Variants in AGAP1 observed in about 807,000 individuals in gnomAD.
AGAP1 encodes ArfGAP with GTPase domain, ankyrin repeat and PH domain 1.
AGAP1 carries 29 observed loss-of-function variants against 105.3 expected under a neutral mutation model. That is an observed-to-expected ratio of 0.28 (90% CI 0.21 to 0.38). AGAP1 has a LOEUF of 0.38. Ranked by LOEUF, AGAP1 falls within the 10% of genes least tolerant of loss-of-function variation. The pLI is 1.00. For missense variants in AGAP1, 998 were observed against 1,165.1 expected (o/e 0.86, Z 2.09); for synonymous variants, 509 against 485.9 (o/e 1.05, Z -0.63).
intron 1 of AGAP1, among the ~76,000 whole-genome samples, chr2:235,677,959 C>CAAAAAAAAAAAAAAAAAAA (rs1448333130): frequency 7.4e-5 from 5 of 67,348 alleles, no homozygotes; most frequent in East Asian, 4.9e-4. Context: ...AAAAAAAAAG[C>CAAAAAAAAAAAAAAAAAAA]AAAACCAGTT....
In AGAP1 at chr2:235,551,661, A is replaced by T. The variant is rs1943813812; in HGVS notation, c.163+56812A>T. Among the ~76,000 whole-genome samples the T allele has an allele frequency of 6.6e-6, 1 of 152,244 alleles. No individual in the cohort carries two copies. The highest frequency in any genetic ancestry group is 2.4e-5 in the African/African-American group (1 of 41,462). The stretch of plus-strand genomic sequence containing the variant: ...ATTAAAACGTTTTTCTTTCCAAGGC[A>T]CGTGGCAGGTGGGTGCTGTTTCTTT... On this transcript the variant is annotated intron_variant, in intron 1 of 17. Transcript: ENST00000304032. The surrounding 1 kb of genome is among the most constrained non-coding windows in gnomAD (Gnocchi z 4.8).
chr2:235,695,766 C>T (rs369479130), intron 1 of AGAP1, among the ~76,000 whole-genome samples: 3 of 152,252 alleles, frequency 2.0e-5, no homozygotes, highest in African/African-American at 7.2e-5. Context: ...AGAAACCATG[C>T]GTATTCACAG....
At position 235,904,609 on chromosome 2, in the gene AGAP1, T is replaced by C. The variant is rs991342808; in HGVS notation, c.1156-4129T>C. Among the ~76,000 whole-genome samples the C allele has an allele frequency of 6.6e-6, 1 of 152,168 alleles. No homozygotes were observed. Among genetic ancestry groups the C allele is most frequent in the Non-Finnish European group, 1.5e-5 (1 of 68,024 alleles). ...TGGAGAAGGGTAGTATCTGTAACAT[T>C]TGCATATCAAAATCAAGCTTCCTGT... On this transcript the variant is annotated intron_variant, in intron 10 of 17. Transcript: ENST00000304032. The surrounding 1 kb of genome is among the most constrained non-coding windows in gnomAD (Gnocchi z 4.2).
At chr2:236,030,724 G>A (rs560267872) in intron 13 of AGAP1, among the ~76,000 whole-genome samples, 1 of 152,196 alleles carries the variant, frequency 6.6e-6, no homozygotes, top group Non-Finnish European at 1.5e-5. Context: ...GCTTGGAGGG[G>A]AAGCCAGGCC....
At chr2:235,910,260 G>A (rs1013220729) in intron 11 of AGAP1, among the ~76,000 whole-genome samples, 2 of 152,306 alleles carry the variant, frequency 1.3e-5, no homozygotes, top group Non-Finnish European at 2.9e-5. Context: ...CCACATTGGG[G>A]TGCTCTTGCC....
At chr2:235,894,905 G>A (rs562771625) in intron 10 of AGAP1, among the ~76,000 whole-genome samples, 1 of 152,336 alleles carries the variant, frequency 6.6e-6, no homozygotes, top group South Asian at 2.1e-4. Context: ...GCTTTGTGGA[G>A]TCCTGGGACT....
chr2:236,105,530 G>A lies in AGAP1; in HGVS notation c.2115-14662G>A, dbSNP rs571185858. Among the ~76,000 whole-genome samples the A allele has an allele frequency of 6.6e-6, 1 of 151,552 alleles. No homozygotes were observed. Among genetic ancestry groups the A allele is most frequent in the Non-Finnish European group, 1.5e-5 (1 of 67,868 alleles). On this transcript the variant is annotated intron_variant, in intron 16 of 17. Transcript: ENST00000304032. The surrounding 1 kb of genome is among the most constrained non-coding windows in gnomAD (Gnocchi z 4.2). The stretch of plus-strand genomic sequence containing the variant: ...CAGTGTCCTCATGTGGAGGAGAGAG[G>A]AGAGGGGCATCTCTCGTGTCTTTTT...
chr2:235,904,302 C>T lies in AGAP1; in HGVS notation c.1156-4436C>T, dbSNP rs572560099. Among the ~76,000 whole-genome samples, 4 of 152,242 alleles carry T rather than the reference C, an allele frequency of 2.6e-5. No homozygotes were observed. The highest frequency in any genetic ancestry group is 2.1e-4 in the South Asian group (1 of 4,822). ...CGAGGCACAGTTACCGAGCAATTGG[C>T]GGGTTCGGAAACAGGTCCCTTTGCT... is the stretch of plus-strand genomic sequence containing the variant. On this transcript the variant is annotated intron_variant, in intron 10 of 17. Coordinates refer to ENST00000304032, the MANE Select transcript of AGAP1 (RefSeq NM_001037131.3). This position sits in a 1 kb window ranked among gnomAD's most constrained non-coding sequence, Gnocchi z 4.2.
chr2:235,975,239 T>A (rs999882669), intron 13 of AGAP1, among the ~76,000 whole-genome samples: 4 of 152,248 alleles, frequency 2.6e-5, no homozygotes, highest in Non-Finnish European at 5.9e-5. Flanking sequence ...TATTGATCAG[T>A]TACCTTTTAC....
In AGAP1 at chr2:235,970,729, A is replaced by G. The variant is rs2054607462; in HGVS notation, c.1645+2106A>G. On this transcript the variant is annotated intron_variant, in intron 13 of 17. Transcript: ENST00000304032. The surrounding 1 kb of genome is among the most constrained non-coding windows in gnomAD (Gnocchi z 5.4). The stretch of plus-strand genomic sequence containing the variant: ...GAATAAATCAGTAGCGTTTCTGCAC[A>G]TTTGATGGAGCAGCTGGCACCACCC... Among the ~76,000 whole-genome samples the G allele has an allele frequency of 6.6e-6, 1 of 152,216 alleles. No homozygotes were observed. Among genetic ancestry groups the G allele is most frequent in the Non-Finnish European group, 1.5e-5 (1 of 68,030 alleles).
At chr2:235,539,331 G>A (rs1238136645) in intron 1 of AGAP1, among the ~76,000 whole-genome samples, 2 of 152,138 alleles carry the variant, frequency 1.3e-5, no homozygotes, top group Non-Finnish European at 2.9e-5. Flanking sequence ...CTGTCTTGAC[G>A]CATCTCAGGT....
At position 235,705,822 on chromosome 2, in the gene AGAP1, T is replaced by C. The variant is rs1311009445; in HGVS notation, c.164-3357T>C. ...TTGCAAGTAAAAAGATGCTTCACAT[T>C]GTTCCAATGTTTATATAATCATGCA... On this transcript the variant is annotated intron_variant, in intron 1 of 17. Coordinates refer to ENST00000304032, the MANE Select transcript of AGAP1 (RefSeq NM_001037131.3). This position sits in a 1 kb window ranked among gnomAD's most constrained non-coding sequence, Gnocchi z 4.9. Among the ~76,000 whole-genome samples the C allele has an allele frequency of 6.6e-6, 1 of 152,222 alleles. No individual in the cohort carries two copies. The highest frequency in any genetic ancestry group is 6.5e-5 in the Admixed American group (1 of 15,282).
At chr2:235,592,107 C>T (rs1044060637) in intron 1 of AGAP1, among the ~76,000 whole-genome samples, 3 of 152,218 alleles carry the variant, frequency 2.0e-5, no homozygotes, top group African/African-American at 7.2e-5. Context: ...GCGCTGGTTC[C>T]CAGGGGCCCA....
At chr2:235,710,393 G>A (rs929373569) in intron 2 of AGAP1, among the ~76,000 whole-genome samples, 3 of 152,234 alleles carry the variant, frequency 2.0e-5, no homozygotes, top group African/African-American at 4.8e-5. Context: ...AGGTGGGAAG[G>A]CCCTGTGGTC....
rs1467840884 is a variant in AGAP1 at position 235,716,251 on chromosome 2, C to G, written c.223-1306C>G. ...GGAGCCCTGGCGAGTCCCAGTATGT[C>G]CCTGCAGATGGAGGAAGAACCCACA... On this transcript the variant is annotated intron_variant, in intron 2 of 17. Coordinates refer to ENST00000304032, the MANE Select transcript of AGAP1 (RefSeq NM_001037131.3). The surrounding 1 kb of genome is among the most constrained non-coding windows in gnomAD (Gnocchi z 4.0). Among the ~76,000 whole-genome samples the G allele has an allele frequency of 6.6e-6, 1 of 152,082 alleles. No individual in the cohort carries two copies. Among genetic ancestry groups the G allele is most frequent in the Non-Finnish European group, 1.5e-5 (1 of 68,018 alleles).
At position 235,829,794 on chromosome 2, in the gene AGAP1, G is replaced by A. The variant is rs146397848; in HGVS notation, c.1050+22463G>A. Reference sequence around the variant, plus strand: ...CTCTGTGCTGGGCTCTGTGGAAGGCGCAGATAGACAGGAGGCTGCTTGGCC... The same window carrying A: ...CTCTGTGCTGGGCTCTGTGGAAGGCACAGATAGACAGGAGGCTGCTTGGCC... On this transcript the variant is annotated intron_variant, in intron 9 of 17. Coordinates refer to ENST00000304032, the MANE Select transcript of AGAP1 (RefSeq NM_001037131.3). Among the ~76,000 whole-genome samples, 1,019 of 152,294 alleles carry A rather than the reference G, an allele frequency of 6.7e-3. 11 individuals carry two copies. Among genetic ancestry groups the A allele is most frequent in the Middle Eastern group, 0.031 (9 of 294 alleles).
chr2:235,924,708 C>T (rs976944939), intron 11 of AGAP1, among the ~76,000 whole-genome samples: 28 of 152,164 alleles, frequency 1.8e-4, no homozygotes, highest in Non-Finnish European at 3.4e-4. Context: ...CACCAGCACA[C>T]ACAGTAACTC....
At chr2:235,667,696 C>G (rs933531315) in intron 1 of AGAP1, among the ~76,000 whole-genome samples, 2 of 152,170 alleles carry the variant, frequency 1.3e-5, no homozygotes, top group African/African-American at 2.4e-5. Flanking sequence ...CGTGGTGGCT[C>G]ACGCCTGTAA....
chr2:235,741,398 G>A lies in AGAP1; in HGVS notation c.396+350G>A, dbSNP rs1952573864. Among the ~76,000 whole-genome samples, 1 of 152,138 alleles carries A rather than the reference G, an allele frequency of 6.6e-6. No individual in the cohort carries two copies. Among genetic ancestry groups the A allele is most frequent in the East Asian group, 1.9e-4 (1 of 5,178 alleles). On this transcript the variant is annotated intron_variant, in intron 4 of 17. Transcript: ENST00000304032. This position sits in a 1 kb window ranked among gnomAD's most constrained non-coding sequence, Gnocchi z 4.9. ...GTTTTTTGGCCTTTTCCTTTGAGTG[G>A]TTTGATCTCTAGAGCAGTGAGAGTT...
Sources: gnomAD v4.1 joint callset for allele counts (sites outside exome capture counted in the v4.1 genomes callset) on GRCh38, gnomAD v4.1.1 for gene constraint, Gnocchi (gnomAD v3.1) non-coding constraint, MANE v1.5 for transcripts, NCBI Gene and HGNC (gene_info 2026-07-23, HGNC 2026-07-21) for gene names.